The following RPE variants were observed in gnomAD, a reference collection of about 807,000 sequenced individuals.
RPE encodes the protein ribulose-phosphate 3-epimerase.
RPE carries 16 observed loss-of-function variants against 24.6 expected under a neutral mutation model. That is an observed-to-expected ratio of 0.65 (90% CI 0.44 to 0.99). RPE has a LOEUF of 0.99. Among genes scored for constraint, RPE ranks in the 50% least tolerant of loss-of-function variants. The pLI is 0.00. For missense variants in RPE, 240 were observed against 294.5 expected (o/e 0.81, Z 1.35); for synonymous variants, 93 against 98.4 (o/e 0.94, Z 0.33).
At position 210,015,903 on chromosome 2, in the gene RPE, T is replaced by G. The variant is rs920039151; in HGVS notation, c.203-70T>G. The G allele has an allele frequency of 1.1e-5, 17 of 1,561,110 alleles. No individual in the cohort carries two copies. The Middle Eastern group carries it at 6.6e-4, about 60-fold the overall frequency. ...CTTATCAGAAGTGGCAAAAACTACATACAGGTTGGCTTCCAATAACATGAG... is the reference window on the plus strand; with the variant it reads ...CTTATCAGAAGTGGCAAAAACTACAGACAGGTTGGCTTCCAATAACATGAG... On this transcript the variant is annotated intron_variant, in intron 2 of 5. Coordinates refer to ENST00000359429, the MANE Select transcript of RPE (RefSeq NM_199229.3).
rs1487358973 is a variant in RPE at position 210,021,618 on chromosome 2, C to T, written c.*1827C>T. 2.0e-5 allele frequency: 3 copies of T among 152,404 alleles called. No individual in the cohort carries two copies. The highest frequency in any genetic ancestry group is 4.4e-5 in the Non-Finnish European group (3 of 67,948). 9.4% of individuals were successfully genotyped at this position (152,404 alleles called of 1,614,324 possible). A position where few individuals can be genotyped will look rare whatever the true frequency, so the allele number is the denominator to read the frequency against. On this transcript the variant is annotated 3_prime_UTR_variant, in exon 6 of 6. Coordinates refer to ENST00000359429, the MANE Select transcript of RPE (RefSeq NM_199229.3). ...TTGAATTTTTTACCCCTTAAAAGGA[C>T]TAGTATAATTTCCAATCTCTAACAA...
chr2:210,016,598 C>T lies in RPE; in HGVS notation c.434C>T (p.Pro145Leu), dbSNP rs370757730. ...IDMALVMTVE[P>L]GFGGQKFMED... is the part of the protein sequence containing the mutation. The stretch of plus-strand genomic sequence containing the variant: ...ATGGCCTTGGTTATGACAGTGGAAC[C>T]GGGGTTTGGAGGGCAGAAATTCATG... Residue 145 changes from proline (P) to leucine (L), a missense_variant, in exon 4 of 6, where the codon CCG becomes CTG. Pro to Leu is a moderately conservative substitution (Grantham distance 98). Coordinates refer to ENST00000359429, the MANE Select transcript of RPE (RefSeq NM_199229.3). 1.4e-5 allele frequency: 23 copies of T among 1,614,006 alleles called. No homozygotes were observed. The highest frequency in any genetic ancestry group is 1.8e-5 in the Non-Finnish European group (21 of 1,180,032).
At chr2:210,006,595 G>A (rs1479632318) in intron 1 of RPE, among the ~76,000 whole-genome samples, 2 of 152,080 alleles carry the variant, frequency 1.3e-5, no homozygotes, top group Non-Finnish European at 2.9e-5. Context: ...CTCGGGAGGT[G>A]GTTATTATAC....
intron 2 of RPE, among the ~76,000 whole-genome samples, chr2:210,012,661 T>C (rs2093716471): frequency 6.6e-6 from 1 of 152,242 alleles, no homozygotes; most frequent in Non-Finnish European, 1.5e-5. Flanking sequence ...ACTATGGTTT[T>C]TCAGACCTGG....
chr2:210,014,550 C>T (rs180728890), intron 2 of RPE, among the ~76,000 whole-genome samples: 1 of 151,906 alleles, frequency 6.6e-6, no homozygotes, highest in Admixed American at 6.5e-5. Flanking sequence ...CCCTGCACTT[C>T]GGGAAGCCAG....
intron 5 of RPE, 53 bp downstream of exon 5, chr2:210,017,612 C>T: frequency 6.6e-7 from 1 of 1,520,984 alleles, no homozygotes; most frequent in Non-Finnish European, 9.1e-7. Context: ...AATATGTCTC[C>T]AGGACATTGT....
chr2:210,011,420 T>C (rs543876071), intron 2 of RPE, among the ~76,000 whole-genome samples: 1 of 152,338 alleles, frequency 6.6e-6, no homozygotes, highest in African/African-American at 2.4e-5. Context: ...TTTCCCCTTT[T>C]CGCTCCCTTT....
intron 5 of RPE, 189 bp downstream of exon 5, chr2:210,017,748 T>C (rs1463592531): frequency 3.2e-6 from 2 of 616,206 alleles, no homozygotes; most frequent in Admixed American, 2.9e-5. Context: ...TTTTTTTTTT[T>C]TTTTTTTTCT....
At chr2:210,006,498 A>G (rs2125056188) in intron 1 of RPE, among the ~76,000 whole-genome samples, 1 of 152,322 alleles carries the variant, frequency 6.6e-6, no homozygotes, top group South Asian at 2.1e-4. Context: ...AAATTAAGTC[A>G]CGTAACTTTG....
chr2:210,018,229 C>G, intron 5 of RPE: 13 of 1,529,930 alleles, frequency 8.5e-6, no homozygotes, highest in Non-Finnish European at 1.1e-5. Context: ...AAGGTACTAC[C>G]AAGGGGGGAA....
chr2:210,003,852 CTA>C (rs1293578813), intron 1 of RPE, among the ~76,000 whole-genome samples: 1 of 152,050 alleles, frequency 6.6e-6, no homozygotes, highest in African/African-American at 2.4e-5. Context: ...TTCCATTGCT[CTA>C]TGTGGTTAAA....
intron 5 of RPE, chr2:210,018,037 G>T: frequency 2.8e-6 from 3 of 1,085,324 alleles, no homozygotes; most frequent in Non-Finnish European, 3.9e-6. Flanking sequence ...GAGCCATGGC[G>T]TCTGGCCCGT....
rs2093578409 is a variant in RPE at position 210,002,803 on chromosome 2, G to A, written c.122+20G>A. 2 of 1,613,992 alleles carry A rather than the reference G, an allele frequency of 1.2e-6. No homozygotes were observed. The highest frequency in any genetic ancestry group is 1.3e-5 in the African/African-American group (1 of 74,926). On this transcript the variant is annotated intron_variant, in intron 1 of 5. Coordinates refer to ENST00000359429, the MANE Select transcript of RPE (RefSeq NM_199229.3). Reference sequence around the variant, plus strand: ...GGACGGGTAACTCCTCCGGGCTCCGGTCGGGCTTGCCGCGCGGCGGGGCGG... The same window carrying A: ...GGACGGGTAACTCCTCCGGGCTCCGATCGGGCTTGCCGCGCGGCGGGGCGG...
chr2:210,017,410 CA>C, intron 4 of RPE, 62 bp from the exon 5 acceptor site: 2 of 1,182,258 alleles, frequency 1.7e-6, no homozygotes, highest in South Asian at 1.4e-5. Context: ...GATTGTCCCC[CA>C]CCCCCACCCC....
chr2:210,014,114 T>C (rs983966503), intron 2 of RPE, among the ~76,000 whole-genome samples: 2 of 151,686 alleles, frequency 1.3e-5, no homozygotes, highest in African/African-American at 4.8e-5. Flanking sequence ...TTTTTTGAGA[T>C]GGAGTCTCGC....
rs75643744 is a variant in RPE at position 210,011,005 on chromosome 2, A to G, written c.202+1269A>G. ...GTTAATCACATTGCAAGTCTTCAGT[A>G]GTCACATATTGTACAGTGCAGCTAT... On this transcript the variant is annotated intron_variant, in intron 2 of 5. Transcript: ENST00000359429. Among the ~76,000 whole-genome samples, 995 of 152,334 alleles carry G rather than the reference A, an allele frequency of 6.5e-3. 9 individuals are homozygous for G. The highest frequency in any genetic ancestry group is 0.01 in the Non-Finnish European group (701 of 68,022).
At chr2:210,011,023 G>A (rs905726935) in intron 2 of RPE, among the ~76,000 whole-genome samples, 9 of 152,158 alleles carry the variant, frequency 5.9e-5, no homozygotes, top group Admixed American at 2.0e-4. Flanking sequence ...ATTGTACAGT[G>A]CAGCTATGGG....
chr2:210,007,098 T>C (rs1208934548), intron 1 of RPE, among the ~76,000 whole-genome samples: 1 of 152,272 alleles, frequency 6.6e-6, no homozygotes, highest in African/African-American at 2.4e-5. Flanking sequence ...TTACTGGTTG[T>C]GTGACCTTGG....
chr2:210,014,763 G>A (rs2093747694), intron 2 of RPE, among the ~76,000 whole-genome samples: 1 of 144,466 alleles, frequency 6.9e-6, no homozygotes, highest in Admixed American at 6.9e-5. Context: ...TTTCATAATT[G>A]TTCTGAAATG....
Sources: allele counts gnomAD v4.1 joint callset (sites outside exome capture counted in the v4.1 genomes callset), GRCh38; gene constraint gnomAD v4.1.1; transcripts MANE v1.5; gene names NCBI Gene and HGNC (gene_info 2026-07-23, HGNC 2026-07-21).